SLC16A9: variants seen among roughly 807,000 people sequenced by gnomAD.
SLC16A9 encodes solute carrier family 16 member 9, also known as monocarboxylate transporter 9.
Under a neutral mutation model 44.3 loss-of-function variants are expected in SLC16A9, and 26 were observed. That is an observed-to-expected ratio of 0.59 (90% CI 0.43 to 0.81). The LOEUF (loss-of-function observed/expected upper bound fraction) is 0.81. Ranked by LOEUF, SLC16A9 falls within the 40% of genes least tolerant of loss-of-function variation. SLC16A9 has a pLI of 0.00. For missense variants in SLC16A9, 559 were observed against 595.8 expected (o/e 0.94, Z 0.64); for synonymous variants, 230 against 225.1 (o/e 1.02, Z -0.19).
Position 59,654,119 on chromosome 10 carries a change from T to G in SLC16A9, c.907A>C (p.Asn303His). ...ATGAAAAGGGCTGAAAATACTTTGTTTTTAAAAAGAGCCACAGTTTCACCA... is the reference window on the plus strand; with the variant it reads ...ATGAAAAGGGCTGAAAATACTTTGTGTTTAAAAAGAGCCACAGTTTCACCA... ...YCGETVALFK[N>H]KVFSALFIAI... is the part of the protein sequence containing the mutation. Residue 303 changes from asparagine (N) to histidine (H), a missense_variant, in exon 5 of 6, where the codon AAC becomes CAC. Transcript: ENST00000395348. The G allele has an allele frequency of 6.2e-7, 1 of 1,614,120 alleles. No individual in the cohort carries two copies. Among genetic ancestry groups the G allele is most frequent in the African/African-American group, 1.3e-5 (1 of 75,054 alleles).
chr10:59,663,232 A>T (rs1220347221), intron 4 of SLC16A9, among the ~76,000 whole-genome samples: 2 of 152,088 alleles, frequency 1.3e-5, no homozygotes, highest in African/African-American at 4.8e-5. Flanking sequence ...TTGGTGGCAC[A>T]TGCCTATAAT....
intron 2 of SLC16A9, among the ~76,000 whole-genome samples, chr10:59,675,111 G>T (rs1286606075): frequency 6.6e-6 from 1 of 152,148 alleles, no homozygotes; most frequent in African/African-American, 2.4e-5. Flanking sequence ...CTGATTTAGA[G>T]AAATATATCA....
At chr10:59,655,806 A>T (rs375080209) in intron 4 of SLC16A9, among the ~76,000 whole-genome samples, 254 of 152,342 alleles carry the variant, frequency 1.7e-3, no homozygotes, top group African/African-American at 5.8e-3. Flanking sequence ...CATATGTTTA[A>T]AATGGTCAGT....
chr10:59,701,100 T>C (rs765557380), intron 1 of SLC16A9, among the ~76,000 whole-genome samples: 12 of 152,172 alleles, frequency 7.9e-5, no homozygotes, highest in Non-Finnish European at 1.8e-4. Context: ...TAATTTCTCC[T>C]CCTGAATTTT....
chr10:59,665,462 T>A (rs1168371704), intron 3 of SLC16A9, among the ~76,000 whole-genome samples: 1 of 152,206 alleles, frequency 6.6e-6, no homozygotes, highest in Non-Finnish European at 1.5e-5. Context: ...TTATCCATAA[T>A]TGCACACAGA....
In SLC16A9 at chr10:59,654,379, T is replaced by A; in HGVS notation, c.647A>T (p.Glu216Val). ...DLPDKYSIYN[E>V]KGKNLEENIN... The stretch of plus-strand genomic sequence containing the variant: ...GTTTTCTTCCAGATTCTTTCCTTTT[T>A]CATTGTAAATGGAGTATTTATCTGG... Residue 216 changes from glutamate to valine, a missense_variant, in exon 5 of 6, where the codon GAA (glutamate) becomes GTA (valine). Coordinates refer to ENST00000395348, the MANE Select transcript of SLC16A9 (RefSeq NM_194298.3). 6.2e-7 allele frequency: 1 copy of A among 1,613,938 alleles called. No individual in the cohort carries two copies. Among genetic ancestry groups the A allele is most frequent in the Non-Finnish European group, 8.5e-7 (1 of 1,180,018 alleles).
chr10:59,703,174 A>G (rs1347272334), intron 1 of SLC16A9, among the ~76,000 whole-genome samples: 1 of 152,194 alleles, frequency 6.6e-6, no homozygotes, highest in African/African-American at 2.4e-5. Context: ...GCTGGGGTGC[A>G]GTGGTGCAAT....
chr10:59,653,115 A>C (rs1017766706), intron 5 of SLC16A9, among the ~76,000 whole-genome samples, 165 bp from the exon 6 acceptor site: 1 of 152,070 alleles, frequency 6.6e-6, no homozygotes, highest in Non-Finnish European at 1.5e-5. Flanking sequence ...TCTCTCAAAT[A>C]TTTGGATAAG....
At chr10:59,655,118 C>T (rs1040589253) in intron 4 of SLC16A9, among the ~76,000 whole-genome samples, 4 of 151,992 alleles carry the variant, frequency 2.6e-5, no homozygotes, top group Non-Finnish European at 5.9e-5. Flanking sequence ...GGTGAAACCC[C>T]GTCTCTACTA....
intron 2 of SLC16A9, among the ~76,000 whole-genome samples, chr10:59,681,436 ATGTATATGT>A (rs1316611442): frequency 4.3e-5 from 1 of 23,054 alleles, no homozygotes; most frequent in African/African-American, 8.8e-5. Context: ...TATGTATATG[ATGTATATGT>A]ATATGTGTAT....
At chr10:59,653,010 T>C in intron 5 of SLC16A9, 60 bp from the exon 6 acceptor site, 1 of 1,294,362 alleles carries the variant, frequency 7.7e-7, no homozygotes, top group South Asian at 1.4e-5. Flanking sequence ...ATCCATCCCA[T>C]ACCCTAATTA....
rs1839243768 is a variant in SLC16A9, at chr10:59,652,957, A to G, written c.1352-7T>C. On this transcript the variant is annotated splice_polypyrimidine_tract_variant and splice_region_variant and intron_variant, in intron 5 of 5. Coordinates refer to ENST00000395348, the MANE Select transcript of SLC16A9 (RefSeq NM_194298.3). ...GTCCAGTCATAAAACCAACCTGAAA[A>G]GGCAGTAAGAAAAAAAGTAAGTTTC... 6.3e-7 allele frequency: 1 copy of G among 1,592,520 alleles called. No homozygotes were observed. The highest frequency in any genetic ancestry group is 8.5e-7 in the Non-Finnish European group (1 of 1,172,680).
At chr10:59,659,365 C>A (rs118129578) in intron 4 of SLC16A9, among the ~76,000 whole-genome samples, 2 of 151,998 alleles carry the variant, frequency 1.3e-5, no homozygotes, top group African/African-American at 4.8e-5. Context: ...TGTTAATTTT[C>A]GTTCCTTTTC....
chr10:59,701,272 A>G (rs1373507321), intron 1 of SLC16A9, among the ~76,000 whole-genome samples: 2 of 152,144 alleles, frequency 1.3e-5, no homozygotes, highest in African/African-American at 2.4e-5. Context: ...TTTTCTGCGA[A>G]TGCCTGGACC....
chr10:59,668,661 A>C (rs1198763652), intron 3 of SLC16A9, among the ~76,000 whole-genome samples: 1 of 152,244 alleles, frequency 6.6e-6, no homozygotes, highest in Admixed American at 6.5e-5. Context: ...GTAAAAATTA[A>C]GAGACATAAA....
intron 1 of SLC16A9, among the ~76,000 whole-genome samples, chr10:59,687,205 C>T (rs1041389918): frequency 6.6e-6 from 1 of 152,074 alleles, no homozygotes; most frequent in Non-Finnish European, 1.5e-5. Flanking sequence ...GTGCCTGGCC[C>T]CTAATTTCCT....
At chr10:59,664,680 C>T (rs1415475455) in intron 3 of SLC16A9, among the ~76,000 whole-genome samples, 1 of 152,192 alleles carries the variant, frequency 6.6e-6, no homozygotes, top group Admixed American at 6.5e-5. Context: ...ATCTATGCCT[C>T]TTCCAAGTCC....
At chr10:59,708,057 C>G (rs1328014764) in intron 1 of SLC16A9, among the ~76,000 whole-genome samples, 1 of 152,082 alleles carries the variant, frequency 6.6e-6, no homozygotes, top group Non-Finnish European at 1.5e-5. Context: ...ATTAGGGGGT[C>G]GGTGGTGCTG....
intron 1 of SLC16A9, among the ~76,000 whole-genome samples, chr10:59,701,884 G>A (rs1282095601): frequency 6.6e-6 from 1 of 152,148 alleles, no homozygotes; most frequent in Non-Finnish European, 1.5e-5. Flanking sequence ...TCATCTTGAT[G>A]CCATCTGTGA....
Sources: allele counts gnomAD v4.1 joint callset (sites outside exome capture counted in the v4.1 genomes callset), GRCh38; gene constraint gnomAD v4.1.1; transcripts MANE v1.5; gene names NCBI Gene and HGNC (gene_info 2026-07-23, HGNC 2026-07-21).